The following RALGAPA2 variants were observed in gnomAD, a reference collection of about 807,000 sequenced individuals.
The protein encoded by RALGAPA2 is ral GTPase-activating protein subunit alpha-2.
A neutral mutation model predicts 230.4 loss-of-function variants in RALGAPA2; 139 were observed. The observed-to-expected ratio is 0.60, with a 90% CI of 0.53 to 0.69. The LOEUF is 0.69. Ranked by LOEUF, RALGAPA2 falls within the 30% of genes least tolerant of loss-of-function variation. RALGAPA2 has a pLI of 0.00. For missense variants in RALGAPA2, 2,163 were observed against 2,276.0 expected, an observed-to-expected ratio of 0.95 and a Z score of 1.01; for synonymous variants, 847 against 837.8, an observed-to-expected ratio of 1.01 and a Z score of -0.19.
chr20:20,690,946 G>A (rs1021260668), intron 1 of RALGAPA2, among the ~76,000 whole-genome samples: 1 of 152,056 alleles, frequency 6.6e-6, no homozygotes, highest in Non-Finnish European at 1.5e-5. Flanking sequence ...CTGTCTTTCA[G>A]TATATTACTA....
chr20:20,563,841 A>G (rs2064330779), intron 23 of RALGAPA2, among the ~76,000 whole-genome samples: 1 of 152,112 alleles, frequency 6.6e-6, no homozygotes, highest in Non-Finnish European at 1.5e-5. Context: ...ACACACACAC[A>G]CATGCACAAA....
intron 16 of RALGAPA2, chr20:20,598,839 A>G: frequency 2.2e-6 from 1 of 449,764 alleles, no homozygotes; most frequent in South Asian, 1.6e-5. Context: ...GAGATAAAGT[A>G]ATAATTATGT....
chr20:20,399,564 C>T lies in RALGAPA2; in HGVS notation c.5618-2830G>A, dbSNP rs556076860. On this transcript the variant is annotated intron_variant, in intron 38 of 39. Coordinates refer to ENST00000202677, the MANE Select transcript of RALGAPA2 (RefSeq NM_020343.4). ...TGGCGGCTCAGACACAGAGTTGAGC[C>T]GGGGGAATCCAGAAGTCACTTTTGA... 3.9e-5 allele frequency among the ~76,000 whole-genome samples: 6 copies of T among 152,124 alleles called. No individual in the cohort carries two copies. The South Asian group carries it at 8.3e-4, about 21-fold the overall frequency.
At chr20:20,408,842 T>A (rs2060000316) in intron 38 of RALGAPA2, among the ~76,000 whole-genome samples, 1 of 152,218 alleles carries the variant, frequency 6.6e-6, no homozygotes, top group African/African-American at 2.4e-5. Context: ...TTAGATTATT[T>A]AATGCTGGTC....
chr20:20,624,880 AGAAT>A (rs2066442344), intron 10 of RALGAPA2, among the ~76,000 whole-genome samples: 2 of 152,318 alleles, frequency 1.3e-5, no homozygotes, highest in South Asian at 2.1e-4. Flanking sequence ...TCATTAATTA[AGAAT>A]GAATGAATGA....
chr20:20,635,573 G>C lies in RALGAPA2; in HGVS notation c.850C>G (p.Arg284Gly), dbSNP rs1320751182. The change falls in exon 9 of 40, where the codon CGA (arginine) becomes GGA (glycine). Residue 284 changes from arginine (R) to glycine (G), a missense_variant. Arg to Gly is a moderately radical substitution (Grantham distance 125). Coordinates refer to ENST00000202677, the MANE Select transcript of RALGAPA2 (RefSeq NM_020343.4). ...GTACTGTAAATGTTCTCATTGTCTC[G>C]AGTGGTAGTAATGTACACAGGCTTT... ...RPKPVYITTT[R>G]DNENIYSTKI... 1.3e-6 allele frequency: 2 copies of C among 1,583,254 alleles called. No homozygotes were observed. Among genetic ancestry groups the C allele is most frequent in the South Asian group, 1.2e-5 (1 of 85,126 alleles).
Position 20,393,229 on chromosome 20 carries a change from G to C in RALGAPA2, c.*60C>G. 1 of 1,355,462 alleles carries C rather than the reference G, an allele frequency of 7.4e-7. No individual in the cohort carries two copies. The highest frequency in any genetic ancestry group is 9.8e-7 in the Non-Finnish European group (1 of 1,016,782). The allele number at this position is 1,355,462 out of a possible 1,614,324, so 84.0% of individuals were successfully genotyped here. On this transcript the variant is annotated 3_prime_UTR_variant, in exon 40 of 40. Transcript: ENST00000202677. Reference sequence around the variant, plus strand: ...CTCACTCAGGGGCTCTTCGAGGTCAGCACTCAGACTGGAGGCCAGGGCCCC... The same window carrying C: ...CTCACTCAGGGGCTCTTCGAGGTCACCACTCAGACTGGAGGCCAGGGCCCC...
intron 37 of RALGAPA2, among the ~76,000 whole-genome samples, chr20:20,435,111 C>T (rs1242998373): frequency 2.0e-5 from 3 of 152,230 alleles, no homozygotes; most frequent in East Asian, 3.8e-4. Flanking sequence ...TTTGCCAATG[C>T]TTGAGGTGCA....
At chr20:20,625,869 T>A (rs780870405) in intron 10 of RALGAPA2, among the ~76,000 whole-genome samples, 1 of 152,160 alleles carries the variant, frequency 6.6e-6, no homozygotes, top group African/African-American at 2.4e-5. Flanking sequence ...TGGCAGCAGA[T>A]GAGGGATACC....
At chr20:20,680,632 A>T in intron 2 of RALGAPA2, 59 bp downstream of exon 2, 1 of 1,477,848 alleles carries the variant, frequency 6.8e-7, no homozygotes, top group East Asian at 2.5e-5. Context: ...GGCTCATGAT[A>T]TATACAACTT....
chr20:20,612,267 C>A (rs901542450), intron 13 of RALGAPA2, among the ~76,000 whole-genome samples: 3 of 152,196 alleles, frequency 2.0e-5, no homozygotes, highest in Non-Finnish European at 2.9e-5. Flanking sequence ...AACACATCAT[C>A]TTTCATATGT....
At chr20:20,584,078 G>A (rs1022010047) in intron 19 of RALGAPA2, among the ~76,000 whole-genome samples, 3 of 152,204 alleles carry the variant, frequency 2.0e-5, no homozygotes, top group African/African-American at 7.2e-5. Context: ...CTAGCAGGGT[G>A]AAGGTAGAAC....
chr20:20,469,433 T>C (rs2061492091), intron 37 of RALGAPA2, among the ~76,000 whole-genome samples: 1 of 152,176 alleles, frequency 6.6e-6, no homozygotes, highest in Admixed American at 6.5e-5. Context: ...CAAACACATA[T>C]GTTAACTGAA....
intron 38 of RALGAPA2, among the ~76,000 whole-genome samples, chr20:20,411,677 T>C (rs2060062579): frequency 6.6e-6 from 1 of 152,202 alleles, no homozygotes; most frequent in Non-Finnish European, 1.5e-5. Flanking sequence ...TGTGAGGAAC[T>C]CTTTTTTGAT....
Position 20,712,521 on chromosome 20 carries a change from G to T in RALGAPA2, c.-41C>A. The T allele has an allele frequency of 6.6e-7, 1 of 1,524,396 alleles. No homozygotes were observed. Among genetic ancestry groups the T allele is most frequent in the Non-Finnish European group, 8.8e-7 (1 of 1,136,286 alleles). The allele number at this position is 1,524,396 out of a possible 1,614,324, so 94.4% of individuals were successfully genotyped here. The stretch of plus-strand genomic sequence containing the variant: ...CCGGGCCCCGCCGGCGGGGCAGTAG[G>T]CGCCTGCGCCACGCGAATCAAAGCA... On this transcript the variant is annotated 5_prime_UTR_variant, in exon 1 of 40. Transcript: ENST00000202677. The surrounding 1 kb of genome is among the most constrained non-coding windows in gnomAD (Gnocchi z 5.5).
intron 35 of RALGAPA2, among the ~76,000 whole-genome samples, chr20:20,499,728 T>C (rs1030337574): frequency 4.6e-5 from 7 of 152,336 alleles, no homozygotes; most frequent in African/African-American, 1.7e-4. Flanking sequence ...AGGGAAAGGC[T>C]GCTGAGTTTT....
intron 1 of RALGAPA2, among the ~76,000 whole-genome samples, chr20:20,695,224 CT>C (rs1214343431): frequency 1.3e-5 from 2 of 152,188 alleles, no homozygotes; most frequent in African/African-American, 4.8e-5. Flanking sequence ...TAAATTACTC[CT>C]TCTGTAACAG....
At chr20:20,687,110 G>C (rs977376762) in intron 1 of RALGAPA2, among the ~76,000 whole-genome samples, 2 of 152,188 alleles carry the variant, frequency 1.3e-5, no homozygotes, top group Non-Finnish European at 2.9e-5. Flanking sequence ...GGCACTGAAG[G>C]CCTGATGATC....
At chr20:20,413,891 T>G (rs1259267059) in intron 37 of RALGAPA2, among the ~76,000 whole-genome samples, 1 of 152,226 alleles carries the variant, frequency 6.6e-6, no homozygotes, top group Non-Finnish European at 1.5e-5. Flanking sequence ...CTGCCAAACT[T>G]CCTCAGCGAG....
Sources: gnomAD v4.1 joint callset for allele counts (sites outside exome capture counted in the v4.1 genomes callset) on GRCh38, gnomAD v4.1.1 for gene constraint, Gnocchi (gnomAD v3.1) non-coding constraint, MANE v1.5 for transcripts, NCBI Gene and HGNC (gene_info 2026-07-23, HGNC 2026-07-21) for gene names.